ANKRD44: variants seen among roughly 807,000 people sequenced by gnomAD.
ANKRD44 encodes serine/threonine-protein phosphatase 6 regulatory ankyrin repeat subunit B.
Under a neutral mutation model 116.0 loss-of-function variants are expected in ANKRD44, and 35 were observed. That is an observed-to-expected ratio of 0.30 (90% CI 0.23 to 0.40). The LOEUF (loss-of-function observed/expected upper bound fraction) is 0.40, where lower values mean the gene tolerates loss of function less well. Ranked by LOEUF, ANKRD44 falls within the 10% of genes least tolerant of loss-of-function variation. The pLI, the probability that ANKRD44 is intolerant of heterozygous loss-of-function variation, is 1.00. For synonymous variants in ANKRD44, 435 were observed against 461.8 expected (o/e 0.94, Z 0.74); for missense variants, 1,014 against 1,242.6 (o/e 0.82, Z 2.77).
intron 16 of ANKRD44, chr2:197,029,425 AT>A (rs958649717): frequency 6.4e-6 from 2 of 312,120 alleles, no homozygotes; most frequent in African/African-American, 4.6e-5. Flanking sequence ...GCTTTTCAAG[AT>A]TTTGCTAAGG....
chr2:197,278,506 A>G lies in ANKRD44; in HGVS notation c.27+32072T>C, dbSNP rs541561557. On this transcript the variant is annotated intron_variant, in intron 1 of 27. Transcript: ENST00000282272. ...CGAGTAGCTGGGACTACAGGCACGC[A>G]CCACCACGCCCGGTTAATTTTTGTA... is the stretch of plus-strand genomic sequence containing the variant. Among the ~76,000 whole-genome samples, 36 of 151,906 alleles carry G rather than the reference A, an allele frequency of 2.4e-4. No homozygotes were observed. The South Asian group carries it at 3.5e-3, about 15-fold the overall frequency.
intron 1 of ANKRD44, among the ~76,000 whole-genome samples, chr2:197,220,814 G>T (rs1222291302): frequency 6.6e-6 from 1 of 152,180 alleles, no homozygotes; most frequent in African/African-American, 2.4e-5. Context: ...ACTTTATGTT[G>T]ACTCACAGGT....
intron 13 of ANKRD44, among the ~76,000 whole-genome samples, chr2:197,084,498 G>A (rs566880758): frequency 6.6e-6 from 1 of 152,140 alleles, no homozygotes; most frequent in Admixed American, 6.5e-5. Context: ...TTGAGGGTAG[G>A]GATGTTGGTT....
chr2:197,246,289 T>C (rs116368066), intron 1 of ANKRD44, among the ~76,000 whole-genome samples: 2,215 of 146,050 alleles, frequency 0.015, 17 homozygotes, highest in Non-Finnish European at 0.02. Context: ...TGGGCTCAAG[T>C]GATACTCCCG....
chr2:197,306,628 AC>A (rs2084082149), intron 1 of ANKRD44, among the ~76,000 whole-genome samples: 1 of 152,236 alleles, frequency 6.6e-6, no homozygotes, highest in Non-Finnish European at 1.5e-5. Context: ...GTTTGCTTTA[AC>A]ACCAGTGCTC....
At chr2:197,300,595 G>A (rs919160656) in intron 1 of ANKRD44, among the ~76,000 whole-genome samples, 1 of 152,082 alleles carries the variant, frequency 6.6e-6, no homozygotes, top group Admixed American at 6.6e-5. Flanking sequence ...ACTAGACTGT[G>A]AGCTCCATGG....
intron 16 of ANKRD44, 143 bp from the exon 17 acceptor site, chr2:197,025,410 A>G (rs989737831): frequency 7.5e-5 from 43 of 576,404 alleles, no homozygotes; most frequent in Non-Finnish European, 1.3e-4. Flanking sequence ...ATCTAAAACA[A>G]ATATGCTAAC....
chr2:197,173,965 A>G (rs2080301745), intron 2 of ANKRD44, among the ~76,000 whole-genome samples: 2 of 152,156 alleles, frequency 1.3e-5, no homozygotes, highest in South Asian at 4.1e-4. Flanking sequence ...CTCAGGAGGC[A>G]GAGGTTGCAG....
rs573984404 is a variant in ANKRD44, at chr2:197,290,888, C to T, written c.27+19690G>A. 2.0e-5 allele frequency among the ~76,000 whole-genome samples: 3 copies of T among 152,110 alleles called. No individual in the cohort carries two copies. In the South Asian group the frequency reaches 6.2e-4, roughly 32 times the overall value. ...AGTGCAGTGGTGAGATCTCAGCTCACTGCAACCTCTGCAGTTTTTTTTTAA... is the reference window on the plus strand; with the variant it reads ...AGTGCAGTGGTGAGATCTCAGCTCATTGCAACCTCTGCAGTTTTTTTTTAA... On this transcript the variant is annotated intron_variant, in intron 1 of 27. Transcript: ENST00000282272.
In ANKRD44 at chr2:197,005,862, C is replaced by G. The variant is rs1355696140; in HGVS notation, c.2179G>C (p.Val727Leu). 1.2e-6 allele frequency: 2 copies of G among 1,614,176 alleles called. No homozygotes were observed. The highest frequency in any genetic ancestry group is 2.7e-5 in the African/African-American group (2 of 74,958). The part of the protein sequence containing the change: ...ECVQMLLEQE[V>L]SILCKDSRGR... Reference sequence around the variant, plus strand: ...CTGGAATCTTTACAGAGAATTGACACTTCTTGTTCCAGCAGCATTTGCACA... The same window carrying G: ...CTGGAATCTTTACAGAGAATTGACAGTTCTTGTTCCAGCAGCATTTGCACA... The change falls in exon 21 of 28, where the codon GTG (valine) becomes CTG (leucine). Residue 727 changes from valine to leucine, a missense_variant. Coordinates refer to ENST00000282272, the MANE Select transcript of ANKRD44 (RefSeq NM_001195144.2).
intron 16 of ANKRD44, among the ~76,000 whole-genome samples, chr2:197,047,921 A>G (rs12467178): frequency 0.15 from 22,263 of 152,030 alleles, 1,982 homozygotes; most frequent in Admixed American, 0.19. Flanking sequence ...AGAAAAAAAA[A>G]AAAAAGTGTT....
rs1295009374 is a variant in ANKRD44 at position 197,263,352 on chromosome 2, A to T, written c.27+47226T>A. 2.1e-5 allele frequency: 14 copies of T among 660,446 alleles called. No homozygotes were observed. The East Asian group carries it at 4.1e-4, about 19-fold the overall frequency. 40.9% of individuals were successfully genotyped at this position (660,446 alleles called of 1,614,324 possible). A position where few individuals can be genotyped will look rare whatever the true frequency, so the allele number is the denominator to read the frequency against. ...AAGTTCATTGGGGCTGGGGCGCCAC[A>T]GTTGGGGTGGCGGGCTCTGGGGCTG... On this transcript the variant is annotated intron_variant, in intron 1 of 27. Transcript: ENST00000282272.
At chr2:197,006,825 A>C (rs181496181) in intron 20 of ANKRD44, among the ~76,000 whole-genome samples, 10 of 152,162 alleles carry the variant, frequency 6.6e-5, no homozygotes, top group Admixed American at 5.2e-4. Context: ...AACAGTTCAG[A>C]GGGTGCAAGT....
At chr2:197,012,440 TATA>T (rs1488146628) in intron 18 of ANKRD44, among the ~76,000 whole-genome samples, 1 of 152,044 alleles carries the variant, frequency 6.6e-6, no homozygotes, top group Non-Finnish European at 1.5e-5. Context: ...ATTTGAATTT[TATA>T]ATAATAACAA....
chr2:197,262,810 C>T lies in ANKRD44; in HGVS notation c.27+47768G>A, dbSNP rs1313911740. 1.1e-4 allele frequency among the ~76,000 whole-genome samples: 16 copies of T among 152,208 alleles called. No homozygotes were observed. The South Asian group carries it at 3.1e-3, about 30-fold the overall frequency. ...ATTCCAGTTACTTGGGAGGCTGAGA[C>T]AGGAGAATCGCTTTAACCCAGGAGG... On this transcript the variant is annotated intron_variant, in intron 1 of 27. Coordinates refer to ENST00000282272, the MANE Select transcript of ANKRD44 (RefSeq NM_001195144.2).
chr2:197,008,162 C>G (rs1410518503), intron 19 of ANKRD44, among the ~76,000 whole-genome samples: 1 of 152,156 alleles, frequency 6.6e-6, no homozygotes, highest in Non-Finnish European at 1.5e-5. Flanking sequence ...GCAGGGGAAG[C>G]TTCCTTTTCA....
intron 3 of ANKRD44, among the ~76,000 whole-genome samples, chr2:197,140,643 C>T (rs2079338742): frequency 6.6e-6 from 1 of 152,106 alleles, no homozygotes; most frequent in Non-Finnish European, 1.5e-5. Context: ...TATTGCAAAT[C>T]TGAGTCAATA....
At chr2:197,217,929 G>A (rs2081487955) in intron 1 of ANKRD44, among the ~76,000 whole-genome samples, 1 of 152,194 alleles carries the variant, frequency 6.6e-6, no homozygotes, top group Admixed American at 6.5e-5. Context: ...CAGCCACAAA[G>A]CCCTTCACTC....
At chr2:197,061,537 T>A (rs535564169) in intron 16 of ANKRD44, among the ~76,000 whole-genome samples, 1 of 152,310 alleles carries the variant, frequency 6.6e-6, no homozygotes, top group Admixed American at 6.5e-5. Context: ...GTGTCCTGTG[T>A]TCACCATGAG....
Sources: allele counts gnomAD v4.1 joint callset (sites outside exome capture counted in the v4.1 genomes callset), GRCh38; gene constraint gnomAD v4.1.1; transcripts MANE v1.5; gene names NCBI Gene and HGNC (gene_info 2026-07-23, HGNC 2026-07-21).